The following CECR2 variants were observed in gnomAD, a reference collection of about 807,000 sequenced individuals.
CECR2 encodes the protein chromatin remodeling regulator CECR2.
A neutral mutation model predicts 154.5 loss-of-function variants in CECR2; 30 were observed. The ratio of observed to expected loss-of-function variants is 0.19; its 90% CI spans 0.15 to 0.26. The LOEUF (loss-of-function observed/expected upper bound fraction) is 0.26. Among genes scored for constraint, CECR2 ranks in the 10% least tolerant of loss-of-function variants. The probability of loss-of-function intolerance (pLI) is 1.00; values close to 1 mark genes in which losing one functional copy is unlikely to be tolerated. For synonymous variants in CECR2, 725 were observed against 683.7 expected (o/e 1.06, Z -0.94); for missense variants, 1,743 against 1,829.3 (o/e 0.95, Z 0.86).
chr22:17,404,347 C>A (rs1403070369), intron 1 of CECR2, among the ~76,000 whole-genome samples: 5 of 123,896 alleles, frequency 4.0e-5, no homozygotes, highest in Admixed American at 8.6e-5. Flanking sequence ...CATGTGGGTT[C>A]ATTTCTGGAC....
chr22:17,501,077 C>G (rs1273443055), intron 5 of CECR2, among the ~76,000 whole-genome samples: 1 of 152,096 alleles, frequency 6.6e-6, no homozygotes, highest in Non-Finnish European at 1.5e-5. Flanking sequence ...ATGTCATTAT[C>G]TTCTAGGAAA....
intron 2 of CECR2, among the ~76,000 whole-genome samples, chr22:17,493,377 G>A (rs2055565885): frequency 6.6e-6 from 1 of 152,156 alleles, no homozygotes; most frequent in South Asian, 2.1e-4. Context: ...AGTGTTTTCT[G>A]TCCTATAGAA....
At chr22:17,494,491 C>G (rs2055586730) in intron 2 of CECR2, among the ~76,000 whole-genome samples, 2 of 152,190 alleles carry the variant, frequency 1.3e-5, no homozygotes, top group South Asian at 4.1e-4. Flanking sequence ...AGTCCAAACC[C>G]TGCAAGGTTC....
chr22:17,458,521 T>C (rs907885190), intron 1 of CECR2, among the ~76,000 whole-genome samples: 7 of 151,918 alleles, frequency 4.6e-5, no homozygotes, highest in Non-Finnish European at 5.9e-5. Flanking sequence ...AGTTTTTTTT[T>C]TCTTTTTAAT....
chr22:17,401,906 A>G (rs2401116), intron 1 of CECR2, among the ~76,000 whole-genome samples: 87,400 of 148,242 alleles, frequency 0.59, 26,031 homozygotes, highest in African/African-American at 0.72. Flanking sequence ...GAACTCCTGG[A>G]TACAACAAGC....
chr22:17,529,591 T>G (rs891123457), intron 9 of CECR2, among the ~76,000 whole-genome samples: 3 of 151,786 alleles, frequency 2.0e-5, no homozygotes, highest in Non-Finnish European at 4.4e-5. Flanking sequence ...TCCCAGCTAC[T>G]CGGGAGGCTG....
At chr22:17,361,627 T>C (rs2062978113) in intron 1 of CECR2, among the ~76,000 whole-genome samples, 1 of 151,844 alleles carries the variant, frequency 6.6e-6, no homozygotes, top group African/African-American at 2.4e-5. Context: ...TAATTCTAGC[T>C]ACTCGGGAGG....
intron 1 of CECR2, among the ~76,000 whole-genome samples, chr22:17,388,675 G>A (rs1744157730): frequency 6.6e-6 from 1 of 152,170 alleles, no homozygotes; most frequent in Non-Finnish European, 1.5e-5. Flanking sequence ...AGACATTTTA[G>A]AAGTGAAAGC....
intron 9 of CECR2, among the ~76,000 whole-genome samples, chr22:17,524,692 CTTTTTTTTTTTTTT>C (rs1188195849): frequency 0.019 from 831 of 44,410 alleles, 28 homozygotes; most frequent in Non-Finnish European, 0.022. Flanking sequence ...ATGCCTGGCC[CTTTTTTTTTTTTTT>C]TTTTTTTTTT....
At chr22:17,382,486 G>A (rs2063209759) in intron 1 of CECR2, among the ~76,000 whole-genome samples, 1 of 152,038 alleles carries the variant, frequency 6.6e-6, no homozygotes, top group Non-Finnish European at 1.5e-5. Flanking sequence ...GAATATTGCA[G>A]TAAAGTGAGT....
At chr22:17,447,301 T>C (rs1331015365) in intron 1 of CECR2, among the ~76,000 whole-genome samples, 1 of 151,826 alleles carries the variant, frequency 6.6e-6, no homozygotes, top group African/African-American at 2.4e-5. Flanking sequence ...TACAGGCACC[T>C]GCCACCACGC....
At chr22:17,477,478 TC>T in intron 1 of CECR2, 109 bp from the exon 2 acceptor site, 1 of 739,314 alleles carries the variant, frequency 1.4e-6, no homozygotes, top group Non-Finnish European at 2.4e-6. Flanking sequence ...GGCAAGTCCT[TC>T]CGCTGCTGGG....
rs1174712019 is a variant in CECR2 at position 17,548,253 on chromosome 22, G to A, written c.2966G>A (p.Cys989Tyr). Residue 989 changes from cysteine to tyrosine, a missense_variant, in exon 17 of 19, where the codon TGC (cysteine) becomes TAC (tyrosine). Coordinates refer to ENST00000262608, the MANE Select transcript of CECR2 (RefSeq NM_001290047.2). Reference protein sequence around the residue: ...PHPTPPLQTDCTRQSSPQERE... With the variant: ...PHPTPPLQTDYTRQSSPQERE... ...CCCACACCTCCCCTGCAGACTGACTGCACCAGGCAGAGCTCACCACAAGAA... is the reference window on the plus strand; with the variant it reads ...CCCACACCTCCCCTGCAGACTGACTACACCAGGCAGAGCTCACCACAAGAA... 3.7e-6 allele frequency: 6 copies of A among 1,603,456 alleles called. No individual in the cohort carries two copies. The African/African-American group carries it at 8.1e-5, about 22-fold the overall frequency.
chr22:17,492,032 G>A (rs1452126420), intron 2 of CECR2, among the ~76,000 whole-genome samples: 1 of 152,082 alleles, frequency 6.6e-6, no homozygotes, highest in Non-Finnish European at 1.5e-5. Context: ...TATAAGCTTC[G>A]AGAATAAATG....
intron 7 of CECR2, among the ~76,000 whole-genome samples, chr22:17,506,817 C>T (rs1461544619): frequency 1.3e-5 from 2 of 152,202 alleles, no homozygotes; most frequent in Middle Eastern, 3.4e-3. Context: ...CCATGCCTGG[C>T]TAATGTTTTT....
intron 1 of CECR2, among the ~76,000 whole-genome samples, chr22:17,471,605 G>A (rs2055128085): frequency 6.6e-6 from 1 of 151,478 alleles, no homozygotes; most frequent in African/African-American, 2.4e-5. Flanking sequence ...GTGTGATCTC[G>A]GCTCACTGCA....
chr22:17,468,517 A>AGT (rs1347292772), intron 1 of CECR2, among the ~76,000 whole-genome samples: 2 of 152,116 alleles, frequency 1.3e-5, no homozygotes, highest in Non-Finnish European at 2.9e-5. Flanking sequence ...CTGTCTCTAC[A>AGT]AAAGATTTTT....
In CECR2 at chr22:17,400,615, G is replaced by A. The variant is rs554079594; in HGVS notation, c.126+30706G>A. On this transcript the variant is annotated intron_variant, in intron 1 of 18. Transcript: ENST00000262608. ...CTTCATTTCTCCCAGGCTTAAGAGC[G>A]AAGGGAAAGACAGAAAGTCTGAGAA... is the stretch of plus-strand genomic sequence containing the variant. Among the ~76,000 whole-genome samples the A allele has an allele frequency of 5.3e-4, 81 of 152,266 alleles. 1 individual carries two copies. Among genetic ancestry groups the A allele is most frequent in the Admixed American group, 5.2e-3 (80 of 15,278 alleles).
At chr22:17,522,123 G>A (rs1462618772) in intron 8 of CECR2, among the ~76,000 whole-genome samples, 2 of 152,014 alleles carry the variant, frequency 1.3e-5, no homozygotes, top group Non-Finnish European at 2.9e-5. Context: ...CTCTGTTTTG[G>A]TACCAGTACC....
Sources: allele counts gnomAD v4.1 joint callset (sites outside exome capture counted in the v4.1 genomes callset), GRCh38; gene constraint gnomAD v4.1.1; transcripts MANE v1.5; gene names NCBI Gene and HGNC (gene_info 2026-07-23, HGNC 2026-07-21).